Variants in EML6 observed in about 807,000 individuals in gnomAD.
EML6 encodes EMAP like 6.
A neutral mutation model predicts 240.1 loss-of-function variants in EML6; 154 were observed. That is an observed-to-expected ratio of 0.64 (90% confidence interval 0.56 to 0.73). EML6 has a LOEUF of 0.73. Ranked by LOEUF, EML6 falls within the 30% of genes least tolerant of loss-of-function variation. EML6 has a pLI of 0.00. For synonymous variants in EML6, 1,148 were observed against 899.0 expected, an observed-to-expected ratio of 1.28 and a Z score of -4.95; for missense variants, 2,964 against 2,474.6, an observed-to-expected ratio of 1.20 and a Z score of -4.20.
At chr2:54,858,192 T>C (rs545299894) in intron 11 of EML6, among the ~76,000 whole-genome samples, 4 of 152,326 alleles carry the variant, frequency 2.6e-5, no homozygotes, top group African/African-American at 7.2e-5. Flanking sequence ...GTTCCTGCTG[T>C]GTGAGCCTCT....
intron 17 of EML6, chr2:54,880,401 C>G (rs1037525959): frequency 6.6e-6 from 1 of 152,208 alleles, no homozygotes; most frequent in Non-Finnish European, 1.5e-5. Flanking sequence ...GATATAAAAT[C>G]ATTTTGAAGT....
chr2:54,841,471 C>G (rs554683202), intron 7 of EML6, among the ~76,000 whole-genome samples: 2 of 152,030 alleles, frequency 1.3e-5, no homozygotes, highest in East Asian at 3.8e-4. Context: ...CTCATTGGAT[C>G]CTCTCGGGAC....
intron 5 of EML6, among the ~76,000 whole-genome samples, chr2:54,823,504 A>G (rs1278515803): frequency 6.6e-6 from 1 of 152,240 alleles, no homozygotes; most frequent in African/African-American, 2.4e-5. Flanking sequence ...GCCACAAAAT[A>G]AACTAGCCAA....
rs376775412 is a variant in EML6, at chr2:54,789,492, C to T, written c.198-23740C>T. ...TTACGCCACTGCACTCCCGCCTGGG[C>T]CACAGAGCGAGACTTCGTCTCAAAA... On this transcript the variant is annotated intron_variant, in intron 2 of 41. Transcript: ENST00000356458. Among the ~76,000 whole-genome samples, 311 of 125,278 alleles carry T rather than the reference C, an allele frequency of 2.5e-3. 13 individuals are homozygous for T. In the South Asian group the frequency reaches 0.076, roughly 31 times the overall value. The allele number at this position is 125,278 out of a possible 152,430, so 82.2% of individuals were successfully genotyped here.
intron 2 of EML6, among the ~76,000 whole-genome samples, chr2:54,775,377 C>G (rs1668558831): frequency 6.6e-6 from 1 of 152,176 alleles, no homozygotes; most frequent in African/African-American, 2.4e-5. Flanking sequence ...AAGCAAGTGT[C>G]TGACTCAGGA....
intron 28 of EML6, among the ~76,000 whole-genome samples, chr2:54,934,700 T>G (rs1403441858): frequency 6.6e-6 from 1 of 152,052 alleles, no homozygotes; most frequent in African/African-American, 2.4e-5. Flanking sequence ...GGACTACAGG[T>G]GTGCACCACC....
intron 28 of EML6, among the ~76,000 whole-genome samples, chr2:54,933,523 C>T (rs1012967570): frequency 2.0e-5 from 3 of 152,066 alleles, no homozygotes; most frequent in African/African-American, 4.8e-5. Flanking sequence ...TACATGAGGC[C>T]AGGAATTCAA....
chr2:54,776,509 G>A (rs542888505), intron 2 of EML6, among the ~76,000 whole-genome samples: 5 of 152,016 alleles, frequency 3.3e-5, no homozygotes, highest in East Asian at 1.9e-4. Context: ...AATCTTACAC[G>A]TATATTTTCT....
At chr2:54,893,520 T>G (rs1451898731) in intron 19 of EML6, among the ~76,000 whole-genome samples, 2 of 152,146 alleles carry the variant, frequency 1.3e-5, no homozygotes, top group African/African-American at 2.4e-5. Flanking sequence ...TCCCACATCT[T>G]AGTACTGTTA....
At chr2:54,775,534 G>A (rs556240220) in intron 2 of EML6, among the ~76,000 whole-genome samples, 1 of 152,212 alleles carries the variant, frequency 6.6e-6, no homozygotes, top group East Asian at 1.9e-4. Flanking sequence ...TGCACCTCTT[G>A]TCACCCTTTA....
intron 7 of EML6, among the ~76,000 whole-genome samples, chr2:54,837,986 A>C (rs1169101167): frequency 6.6e-6 from 1 of 152,208 alleles, no homozygotes; most frequent in Non-Finnish European, 1.5e-5. Flanking sequence ...CTCTTGGACC[A>C]AATAATTGGG....
intron 3 of EML6, among the ~76,000 whole-genome samples, chr2:54,815,949 A>T (rs1668062583): frequency 6.6e-6 from 1 of 152,194 alleles, no homozygotes; most frequent in African/African-American, 2.4e-5. Flanking sequence ...ACAACAATCC[A>T]ATAATGCAGA....
At chr2:54,831,540 C>T (rs1019364342) in intron 7 of EML6, among the ~76,000 whole-genome samples, 17 of 152,198 alleles carry the variant, frequency 1.1e-4, no homozygotes, top group African/African-American at 3.4e-4. Context: ...CTCAGATTCC[C>T]GCCCCATCCT....
intron 5 of EML6, among the ~76,000 whole-genome samples, 172 bp downstream of exon 5, chr2:54,820,634 T>C (rs910649055): frequency 6.6e-6 from 1 of 152,176 alleles, no homozygotes; most frequent in Non-Finnish European, 1.5e-5. Context: ...CTGATGGGGC[T>C]CTCTCTTAGA....
At chr2:54,767,376 A>G (rs1286996100) in intron 2 of EML6, among the ~76,000 whole-genome samples, 1 of 152,150 alleles carries the variant, frequency 6.6e-6, no homozygotes, top group Non-Finnish European at 1.5e-5. Context: ...ACTAGATAAA[A>G]ATAAATAACA....
At chr2:54,736,824 C>G (rs145003359) in intron 2 of EML6, among the ~76,000 whole-genome samples, 135 of 152,324 alleles carry the variant, frequency 8.9e-4, no homozygotes, top group African/African-American at 3.0e-3. Context: ...GTCAGTGTCA[C>G]TGATGACATT....
intron 28 of EML6, among the ~76,000 whole-genome samples, chr2:54,939,733 C>A (rs1017836540): frequency 2.0e-5 from 3 of 152,196 alleles, no homozygotes; most frequent in Non-Finnish European, 4.4e-5. Flanking sequence ...AACTTTCATA[C>A]AAGAGATGGT....
rs1360450205 is a variant in EML6 at position 54,964,632 on chromosome 2, G to C, written c.5392G>C (p.Asp1798His). 10 of 1,552,290 alleles carry C rather than the reference G, an allele frequency of 6.4e-6. No homozygotes were observed. The highest frequency in any genetic ancestry group is 8.7e-6 in the Non-Finnish European group (10 of 1,147,138). Reference protein sequence around the residue: ...GSSEHTVDFYDLTQGTNLNRI... With the variant: ...GSSEHTVDFYHLTQGTNLNRI... ...TTCTGAACACACAGTTGACTTCTAT[G>C]ACCTCACTCAGGGCACAAATCTGAA... The change falls in exon 38 of 42, where the codon GAC (aspartate) becomes CAC (histidine). Residue 1798 changes from aspartate to histidine, a missense_variant. Transcript: ENST00000356458.
At chr2:54,888,970 T>C (rs1311537102) in intron 17 of EML6, among the ~76,000 whole-genome samples, 1 of 152,226 alleles carries the variant, frequency 6.6e-6, no homozygotes, top group African/African-American at 2.4e-5. Flanking sequence ...TCATTTTGCA[T>C]TCCCACCAGC....
Sources: allele counts gnomAD v4.1 joint callset (sites outside exome capture counted in the v4.1 genomes callset), GRCh38; gene constraint gnomAD v4.1.1; transcripts MANE v1.5; gene names NCBI Gene and HGNC (gene_info 2026-07-23, HGNC 2026-07-21).